Variants in STIM2 observed in about 807,000 individuals in gnomAD.
The protein encoded by STIM2 is stromal interaction molecule 2.
In STIM2, 31 loss-of-function variants were observed where a neutral mutation model predicts 85.8. That is an observed-to-expected ratio of 0.36 (90% CI 0.27 to 0.49). The LOEUF (loss-of-function observed/expected upper bound fraction) is 0.49. STIM2 is among the 20% of genes least tolerant of loss of function. The pLI, the probability that STIM2 is intolerant of heterozygous loss-of-function variation, is 0.98. For synonymous variants in STIM2, 356 were observed against 331.1 expected, an observed-to-expected ratio of 1.08 and a Z score of -0.82; for missense variants, 841 against 927.6, an observed-to-expected ratio of 0.91 and a Z score of 1.21.
In STIM2 at chr4:27,022,742, A is replaced by C; in HGVS notation, c.1987A>C (p.Ile663Leu). 2 of 1,614,176 alleles carry C rather than the reference A, an allele frequency of 1.2e-6. No homozygotes were observed. The highest frequency in any genetic ancestry group is 8.5e-7 in the Non-Finnish European group (1 of 1,180,036). The change falls in exon 12 of 12, where the codon ATC becomes CTC. Residue 663 changes from isoleucine to leucine, a missense_variant. Physicochemically the swap from Ile to Leu is conservative, Grantham distance 5. Coordinates refer to ENST00000467087, the MANE Select transcript of STIM2 (RefSeq NM_020860.4). The stretch of plus-strand genomic sequence containing the variant: ...AGGTCTGACAGAAACTAAGAGTATG[A>C]TCTTCAGTCCTGCAAGCAAAGTGTA...
intron 1 of STIM2, among the ~76,000 whole-genome samples, chr4:26,867,441 C>T (rs1019698740): frequency 1.5e-4 from 23 of 152,068 alleles, no homozygotes; most frequent in Admixed American, 1.5e-3. Context: ...ACAAATAAAA[C>T]CAAACAACTT....
intron 2 of STIM2, among the ~76,000 whole-genome samples, chr4:26,929,284 G>A (rs959882870): frequency 1.3e-5 from 2 of 152,164 alleles, no homozygotes; most frequent in African/African-American, 2.4e-5. Context: ...GGCTCTGTGT[G>A]ATGTGTTTGT....
At chr4:27,007,735 T>C in intron 8 of STIM2, 35 bp downstream of exon 8, 2 of 1,500,606 alleles carry the variant, frequency 1.3e-6, no homozygotes, top group Non-Finnish European at 1.8e-6. Flanking sequence ...ACTAAATTTG[T>C]TTCTTAGGCT....
At chr4:26,974,583 T>C in intron 3 of STIM2, among the ~76,000 whole-genome samples, 1 of 152,254 alleles carries the variant, frequency 6.6e-6, no homozygotes, top group East Asian at 1.9e-4. Context: ...TCTTGTGGCT[T>C]GTAGGGTTTC....
At chr4:26,864,498 A>G (rs766802485) in intron 1 of STIM2, among the ~76,000 whole-genome samples, 12 of 152,144 alleles carry the variant, frequency 7.9e-5, no homozygotes, top group Non-Finnish European at 1.5e-4. Context: ...CAAACAAACA[A>G]AAAAATGCCG....
intron 2 of STIM2, among the ~76,000 whole-genome samples, chr4:26,945,764 T>C (rs2109084840): frequency 6.6e-6 from 1 of 152,344 alleles, no homozygotes; most frequent in South Asian, 2.1e-4. Context: ...GAAGTGTCTG[T>C]TCATGTCCTT....
At chr4:26,910,349 C>A (rs1385880287) in intron 1 of STIM2, among the ~76,000 whole-genome samples, 1 of 151,866 alleles carries the variant, frequency 6.6e-6, no homozygotes, top group East Asian at 1.9e-4. Context: ...ATGGTGAAAT[C>A]CCGTCTTTAC....
At chr4:26,961,892 C>T (rs554839152) in intron 3 of STIM2, among the ~76,000 whole-genome samples, 25 of 152,124 alleles carry the variant, frequency 1.6e-4, no homozygotes, top group Non-Finnish European at 2.6e-4. Flanking sequence ...GTTGAGGCTA[C>T]GGGCGTATAC....
At chr4:26,904,170 G>A (rs1724037202) in intron 1 of STIM2, among the ~76,000 whole-genome samples, 1 of 141,104 alleles carries the variant, frequency 7.1e-6, no homozygotes, top group African/African-American at 2.7e-5. Context: ...TAATAATTCT[G>A]TTTTCATGAT....
intron 11 of STIM2, among the ~76,000 whole-genome samples, chr4:27,018,735 G>A (rs1343510989): frequency 6.6e-6 from 1 of 152,202 alleles, no homozygotes; most frequent in Non-Finnish European, 1.5e-5. Flanking sequence ...GGACACGGTT[G>A]ACTCAGATCT....
Position 27,018,015 on chromosome 4 carries a change from T to C in STIM2, c.1763+31T>C, listed in dbSNP as rs534410924. ...GGCAGTGAATAATCTACAGGGCATG[T>C]TGGGGCTGGGTTGGGGGTAAGGTGT... On this transcript the variant is annotated intron_variant, in intron 11 of 11. Coordinates refer to ENST00000467087, the MANE Select transcript of STIM2 (RefSeq NM_020860.4). 100 of 1,609,496 alleles carry C rather than the reference T, an allele frequency of 6.2e-5. 2 individuals carry two copies. The South Asian group carries it at 9.6e-4, about 15-fold the overall frequency.
chr4:26,913,906 A>G (rs992217352), intron 1 of STIM2, among the ~76,000 whole-genome samples: 3 of 152,198 alleles, frequency 2.0e-5, no homozygotes, highest in African/African-American at 7.2e-5. Context: ...ATCAACTCAT[A>G]TACTGCCCTG....
At chr4:27,006,829 C>T (rs1382547768) in intron 7 of STIM2, among the ~76,000 whole-genome samples, 1 of 152,156 alleles carries the variant, frequency 6.6e-6, no homozygotes, top group Non-Finnish European at 1.5e-5. Flanking sequence ...TCTGTTTTCT[C>T]AAAATCTGTA....
chr4:26,865,363 A>G (rs1722365379), intron 1 of STIM2, among the ~76,000 whole-genome samples: 1 of 152,200 alleles, frequency 6.6e-6, no homozygotes, highest in African/African-American at 2.4e-5. Flanking sequence ...GGAATCTCAT[A>G]GAACAGGAAG....
intron 2 of STIM2, among the ~76,000 whole-genome samples, chr4:26,941,570 G>A (rs1430702535): frequency 1.3e-5 from 2 of 152,066 alleles, no homozygotes; most frequent in African/African-American, 2.4e-5. Context: ...AAAGAAATGG[G>A]TTATAGTTAT....
intron 2 of STIM2, among the ~76,000 whole-genome samples, chr4:26,950,887 A>G (rs942655730): frequency 1.3e-5 from 2 of 152,104 alleles, no homozygotes; most frequent in African/African-American, 4.8e-5. Context: ...AATGTACATT[A>G]GAAGCTTTCA....
intron 2 of STIM2, among the ~76,000 whole-genome samples, chr4:26,939,192 G>A (rs1418944792): frequency 6.6e-6 from 1 of 152,066 alleles, no homozygotes; most frequent in African/African-American, 2.4e-5. Context: ...ATCTTGGCAT[G>A]TGCTTCCTAT....
chr4:26,862,318 G>GT (rs71186494), intron 1 of STIM2, among the ~76,000 whole-genome samples: 4,813 of 145,528 alleles, frequency 0.033, 195 homozygotes, highest in African/African-American at 0.098. Flanking sequence ...TAAAATAATG[G>GT]TTTTTTTTTT....
intron 1 of STIM2, among the ~76,000 whole-genome samples, chr4:26,898,877 TA>T (rs1560199746): frequency 6.6e-6 from 1 of 152,120 alleles, no homozygotes; most frequent in Admixed American, 6.5e-5. Flanking sequence ...TTTACACATT[TA>T]AAAAAATTTA....
Sources: allele counts gnomAD v4.1 joint callset (sites outside exome capture counted in the v4.1 genomes callset), GRCh38; gene constraint gnomAD v4.1.1; transcripts MANE v1.5; gene names NCBI Gene and HGNC (gene_info 2026-07-23, HGNC 2026-07-21).